RASGEF1B: variants seen among roughly 807,000 people sequenced by gnomAD.
RASGEF1B encodes the protein ras-GEF domain-containing family member 1B.
In RASGEF1B, 30 loss-of-function variants were observed where a neutral mutation model predicts 65.7. The observed-to-expected ratio is 0.46, with a 90% CI of 0.34 to 0.62. RASGEF1B has a LOEUF of 0.62. Ranked by LOEUF, RASGEF1B falls within the 20% of genes least tolerant of loss-of-function variation. The probability of loss-of-function intolerance (pLI) is 0.01; values close to 1 mark genes in which losing one functional copy is unlikely to be tolerated. For missense variants in RASGEF1B, 495 were observed against 580.1 expected, an observed-to-expected ratio of 0.85 and a Z score of 1.51; for synonymous variants, 175 against 194.8, an observed-to-expected ratio of 0.90 and a Z score of 0.85.
intron 4 of RASGEF1B, among the ~76,000 whole-genome samples, chr4:81,449,423 C>T (rs1403164484): frequency 6.6e-6 from 1 of 152,192 alleles, no homozygotes; most frequent in Non-Finnish European, 1.5e-5. Flanking sequence ...CAAGAAATGA[C>T]TTCATAATCC....
intron 10 of RASGEF1B, among the ~76,000 whole-genome samples, chr4:81,435,140 G>A (rs1405642027): frequency 2.0e-5 from 3 of 151,984 alleles, no homozygotes; most frequent in Non-Finnish European, 2.9e-5. Flanking sequence ...GGCCGGGCAC[G>A]GTGGCTCACG....
intron 1 of RASGEF1B, among the ~76,000 whole-genome samples, 196 bp downstream of exon 1, chr4:81,471,574 G>A (rs966006282): frequency 6.6e-6 from 1 of 152,146 alleles, no homozygotes; most frequent in Non-Finnish European, 1.5e-5. Flanking sequence ...TGGCGCCCGC[G>A]TTCGCGCTCA....
intron 9 of RASGEF1B, 78 bp from the exon 10 acceptor site, chr4:81,441,007 T>C: frequency 2.1e-6 from 2 of 949,938 alleles, no homozygotes; most frequent in Non-Finnish European, 3.3e-6. Context: ...ATCACATATT[T>C]AGCTATATAC....
rs1721998051 is a variant in RASGEF1B at position 81,445,723 on chromosome 4, C to G, written c.825+20G>C. ...AAAAATAATGTTGAGAACTAGGAGA[C>G]AGAAAATTCATTTCCTCACCATACA... On this transcript the variant is annotated intron_variant, in intron 7 of 13. Transcript: ENST00000264400. 6.2e-7 allele frequency: 1 copy of G among 1,606,044 alleles called. No homozygotes were observed. Among genetic ancestry groups the G allele is most frequent in the African/African-American group, 1.3e-5 (1 of 74,676 alleles).
chr4:81,457,050 ACT>A (rs1268468026), intron 3 of RASGEF1B, among the ~76,000 whole-genome samples: 2 of 152,084 alleles, frequency 1.3e-5, no homozygotes, highest in African/African-American at 4.8e-5. Context: ...ACAGAGTCTC[ACT>A]CTGTCTCCCA....
At chr4:81,440,215 T>C (rs1282000594) in intron 10 of RASGEF1B, among the ~76,000 whole-genome samples, 1 of 152,180 alleles carries the variant, frequency 6.6e-6, no homozygotes, top group Non-Finnish European at 1.5e-5. Flanking sequence ...TAAAGAAATA[T>C]GACACCAAAA....
At chr4:81,429,069 T>C (rs1721327349) in intron 13 of RASGEF1B, among the ~76,000 whole-genome samples, 1 of 152,250 alleles carries the variant, frequency 6.6e-6, no homozygotes. Context: ...GGGCAGACAT[T>C]AGGGGAAGAC....
intron 4 of RASGEF1B, 98 bp from the exon 5 acceptor site, chr4:81,448,382 AT>A: frequency 9.6e-7 from 1 of 1,041,232 alleles, no homozygotes; most frequent in East Asian, 2.4e-5. Context: ...TTACCTGGAC[AT>A]TGGAGAATAA....
intron 4 of RASGEF1B, among the ~76,000 whole-genome samples, chr4:81,449,223 G>C (rs1355707595): frequency 2.0e-5 from 3 of 152,112 alleles, no homozygotes; most frequent in Non-Finnish European, 4.4e-5. Flanking sequence ...TTGCATTCAT[G>C]ACTCACTATT....
In RASGEF1B at chr4:81,440,944, G is replaced by A. The variant is rs770468462; in HGVS notation, c.1009-15C>T. 2 of 1,488,120 alleles carry A rather than the reference G, an allele frequency of 1.3e-6. No individual in the cohort carries two copies. Among genetic ancestry groups the A allele is most frequent in the South Asian group, 2.3e-5 (2 of 87,420 alleles). 92.2% of individuals were successfully genotyped at this position (1,488,120 alleles called of 1,614,324 possible). A position where few individuals can be genotyped will look rare whatever the true frequency, so the allele number is the denominator to read the frequency against. ...TCCATCTGATGCTATAGATAAAAGAGAGAAGAATATTAACTATTTATTTAT... is the reference window on the plus strand; with the variant it reads ...TCCATCTGATGCTATAGATAAAAGAAAGAAGAATATTAACTATTTATTTAT... On this transcript the variant is annotated splice_polypyrimidine_tract_variant and intron_variant, in intron 9 of 13. Transcript: ENST00000264400.
At chr4:81,470,760 C>G (rs1448483634) in intron 1 of RASGEF1B, among the ~76,000 whole-genome samples, 1 of 152,204 alleles carries the variant, frequency 6.6e-6, no homozygotes, top group East Asian at 1.9e-4. Context: ...TCTAGACAAT[C>G]TCCTTGTGTT....
Position 81,457,648 on chromosome 4 carries a change from C to A in RASGEF1B, c.178-27G>T. The A allele has an allele frequency of 1.9e-6, 3 of 1,609,424 alleles. No individual in the cohort carries two copies. The Admixed American group carries it at 5.1e-5, about 27-fold the overall frequency. ...TGCAGCAACAGAAAAAAGTCATCAT[C>A]GTTACATTCTCTCTGAAATTAATAT... On this transcript the variant is annotated intron_variant, in intron 2 of 13. Coordinates refer to ENST00000264400, the MANE Select transcript of RASGEF1B (RefSeq NM_152545.3).
At chr4:81,431,851 A>G (rs1721437650) in intron 13 of RASGEF1B, among the ~76,000 whole-genome samples, 1 of 152,164 alleles carries the variant, frequency 6.6e-6, no homozygotes, top group African/African-American at 2.4e-5. Flanking sequence ...TAAAGTCCCA[A>G]CTCTCTCAAA....
At chr4:81,469,707 G>T (rs184739844) in intron 1 of RASGEF1B, among the ~76,000 whole-genome samples, 226 of 152,048 alleles carry the variant, frequency 1.5e-3, no homozygotes, top group South Asian at 6.0e-3. Context: ...AGCTGTAGGG[G>T]GTTAGCGGGA....
rs1401983481 is a variant in RASGEF1B at position 81,442,381 on chromosome 4, C to G, written c.929-5G>C. On this transcript the variant is annotated splice_polypyrimidine_tract_variant and splice_region_variant and intron_variant, in intron 8 of 13. Transcript: ENST00000264400. ...CTGGGCTCATATTCATACCAGCTTC[C>G]CATTTGAAATGGAGGGGGAGAAAAA... The G allele has an allele frequency of 1.2e-6, 2 of 1,602,646 alleles. No individual in the cohort carries two copies. The highest frequency in any genetic ancestry group is 3.3e-5 in the Admixed American group (2 of 59,906).
chr4:81,456,529 G>A, intron 4 of RASGEF1B, 122 bp downstream of exon 4: 2 of 979,208 alleles, frequency 2.0e-6, no homozygotes, highest in Admixed American at 3.4e-5. Context: ...GTGATGTGGA[G>A]GGCTTGCCCA....
chr4:81,441,043 C>G, intron 9 of RASGEF1B, 114 bp from the exon 10 acceptor site: 3 of 648,424 alleles, frequency 4.6e-6, no homozygotes, highest in Non-Finnish European at 8.0e-6. Flanking sequence ...TTAGGAAACT[C>G]AGTAGGAATA....
At chr4:81,443,123 C>T (rs1342892499) in intron 8 of RASGEF1B, among the ~76,000 whole-genome samples, 2 of 152,192 alleles carry the variant, frequency 1.3e-5, no homozygotes, top group African/African-American at 4.8e-5. Context: ...AGCCATGCTG[C>T]CTCTCCTGAA....
At chr4:81,468,813 TACA>T (rs1475612133) in intron 1 of RASGEF1B, among the ~76,000 whole-genome samples, 1 of 152,172 alleles carries the variant, frequency 6.6e-6, no homozygotes, top group Non-Finnish European at 1.5e-5. Flanking sequence ...GAAGCGATAG[TACA>T]ACAAAATAAA....
Sources: gnomAD v4.1 joint callset for allele counts (sites outside exome capture counted in the v4.1 genomes callset) on GRCh38, gnomAD v4.1.1 for gene constraint, MANE v1.5 for transcripts, NCBI Gene and HGNC (gene_info 2026-07-23, HGNC 2026-07-21) for gene names.